Variants in ISX observed in about 807,000 individuals in gnomAD.
ISX encodes intestine-specific homeobox.
In ISX, 15 loss-of-function variants were observed where a neutral mutation model predicts 16.9. The observed-to-expected ratio is 0.89, with a 90% CI of 0.59 to 1.36. ISX has a LOEUF of 1.36. Among genes scored for constraint, ISX ranks in the 40% most tolerant of loss-of-function variants. The probability of loss-of-function intolerance (pLI) is 0.00; values close to 1 mark genes in which losing one functional copy is unlikely to be tolerated. For synonymous variants in ISX, 125 were observed against 119.7 expected, an observed-to-expected ratio of 1.04 and a Z score of -0.29; for missense variants, 316 against 306.1, an observed-to-expected ratio of 1.03 and a Z score of -0.24.
At chr22:35,083,571 T>C (rs895310579) in intron 3 of ISX, among the ~76,000 whole-genome samples, 3 of 152,272 alleles carry the variant, frequency 2.0e-5, no homozygotes, top group East Asian at 3.8e-4. Flanking sequence ...CAGATCTCAC[T>C]GTGGCACCGT....
intron 2 of ISX, among the ~76,000 whole-genome samples, chr22:35,076,723 G>T (rs1215676002): frequency 6.6e-6 from 1 of 152,186 alleles, no homozygotes; most frequent in African/African-American, 2.4e-5. Flanking sequence ...TGAGCGAGGA[G>T]AAACATCAGT....
chr22:35,084,435 A>G lies in ISX; in HGVS notation c.434A>G (p.Asn145Ser), dbSNP rs574347766. Reference sequence around the variant, plus strand: ...TGGCGGAAGCAGGAGAAGATTGGCAACCTGGGGGCTCCACAGCAGCTGAGT... The same window carrying G: ...TGGCGGAAGCAGGAGAAGATTGGCAGCCTGGGGGCTCCACAGCAGCTGAGT... ...AKWRKQEKIG[N>S]LGAPQQLSEA... Residue 145 changes from asparagine to serine, a missense_variant, in exon 4 of 5, where the codon AAC (asparagine) becomes AGC (serine). Transcript: ENST00000404699. The G allele has an allele frequency of 1.1e-5, 18 of 1,613,868 alleles. No homozygotes were observed. The African/African-American group carries it at 1.7e-4, about 16-fold the overall frequency.
At chr22:35,078,243 A>C (rs1321324876) in intron 2 of ISX, among the ~76,000 whole-genome samples, 1 of 151,664 alleles carries the variant, frequency 6.6e-6, no homozygotes, top group African/African-American at 2.4e-5. Flanking sequence ...GACTGACTGA[A>C]TGAATGAAGG....
intron 2 of ISX, among the ~76,000 whole-genome samples, chr22:35,076,113 T>C (rs1672295622): frequency 6.8e-6 from 1 of 148,032 alleles, no homozygotes; most frequent in African/African-American, 2.5e-5. Context: ...AAAAAAAAAA[T>C]ACCTATTGTG....
chr22:35,083,812 C>T (rs1449469200), intron 3 of ISX, among the ~76,000 whole-genome samples: 1 of 152,224 alleles, frequency 6.6e-6, no homozygotes, highest in Non-Finnish European at 1.5e-5. Flanking sequence ...CAGAATTCAA[C>T]ACCTGCCTAT....
chr22:35,071,206 T>C (rs763001), intron 2 of ISX, among the ~76,000 whole-genome samples: 78,213 of 151,992 alleles, frequency 0.51, 20,416 homozygotes, highest in East Asian at 0.79. Context: ...AATGCTTTGG[T>C]GTCTTTGCCA....
intron 3 of ISX, 56 bp from the exon 4 acceptor site, chr22:35,084,327 T>A: frequency 9.2e-7 from 1 of 1,090,896 alleles, no homozygotes; most frequent in Non-Finnish European, 1.4e-6. Flanking sequence ...TTGGGGGAAG[T>A]GGTATTAGAT....
intron 2 of ISX, among the ~76,000 whole-genome samples, chr22:35,070,509 T>G (rs1445960445): frequency 6.6e-6 from 1 of 152,182 alleles, no homozygotes; most frequent in Admixed American, 6.5e-5. Context: ...TGATAGAAAA[T>G]TGACAAGGAA....
At chr22:35,069,912 A>C (rs1213278422) in intron 2 of ISX, among the ~76,000 whole-genome samples, 1 of 152,174 alleles carries the variant, frequency 6.6e-6, no homozygotes, top group African/African-American at 2.4e-5. Context: ...GGATCTTATT[A>C]AAATGCAGCC....
intron 2 of ISX, among the ~76,000 whole-genome samples, chr22:35,079,696 T>A (rs11702976): frequency 0.083 from 12,613 of 152,152 alleles, 564 homozygotes; most frequent in Middle Eastern, 0.15. Flanking sequence ...GTGGAAAAAA[T>A]CAGGAGAGGC....
chr22:35,070,598 C>T (rs1928824933), intron 2 of ISX, among the ~76,000 whole-genome samples: 2 of 152,228 alleles, frequency 1.3e-5, no homozygotes, highest in Admixed American at 6.5e-5. Flanking sequence ...TGCCTGCTCA[C>T]CATCTATTCA....
intron 2 of ISX, among the ~76,000 whole-genome samples, chr22:35,071,532 G>A (rs1928853054): frequency 6.6e-6 from 1 of 152,160 alleles, no homozygotes; most frequent in Admixed American, 6.5e-5. Flanking sequence ...GCCTTGCCGT[G>A]TGTGTTTGTG....
At chr22:35,073,356 T>G (rs1319120557) in intron 2 of ISX, among the ~76,000 whole-genome samples, 2 of 151,936 alleles carry the variant, frequency 1.3e-5, no homozygotes, top group Non-Finnish European at 1.5e-5. Context: ...CCATGGACGG[T>G]GGGTGGGGAA....
intron 2 of ISX, among the ~76,000 whole-genome samples, chr22:35,079,268 G>C (rs1481024206): frequency 2.6e-5 from 4 of 152,122 alleles, no homozygotes; most frequent in Admixed American, 2.0e-4. Context: ...ACCTCAGCTG[G>C]AGCTCAGACT....
At chr22:35,073,476 TAGG>T (rs1432398791) in intron 2 of ISX, among the ~76,000 whole-genome samples, 1 of 152,188 alleles carries the variant, frequency 6.6e-6, no homozygotes, top group Non-Finnish European at 1.5e-5. Context: ...TGGTTTTTCC[TAGG>T]AGAATCTAAT....
At position 35,073,042 on chromosome 22, in the gene ISX, T is replaced by A. The variant is rs1928894792; in HGVS notation, c.229+5726T>A. On this transcript the variant is annotated intron_variant, in intron 2 of 4. Transcript: ENST00000404699. The stretch of plus-strand genomic sequence containing the variant: ...TATATAGGGCCCTCCACATGCTGCT[T>A]GAGTGTCCTCACAAAATGACAGATA... 1.3e-5 allele frequency among the ~76,000 whole-genome samples: 2 copies of A among 152,194 alleles called. 1 individual carries two copies. Among genetic ancestry groups the A allele is most frequent in the Admixed American group, 1.3e-4 (2 of 15,280 alleles).
chr22:35,077,643 C>T (rs1399034922), intron 2 of ISX, among the ~76,000 whole-genome samples: 1 of 151,586 alleles, frequency 6.6e-6, no homozygotes, highest in African/African-American at 2.4e-5. Context: ...TCATCATCAC[C>T]TCTCAAGGAC....
At position 35,066,840 on chromosome 22, in the gene ISX, A is replaced by G. The variant is rs1395948507; in HGVS notation, c.-248A>G. On this transcript the variant is annotated 5_prime_UTR_variant, in exon 2 of 5. Transcript: ENST00000404699. ...ATTGAACCCCAATTCAGCCATGGTG[A>G]CTCCTTTGATGTCAAACTGGTAAGG... 6.5e-6 allele frequency: 3 copies of G among 463,558 alleles called. No homozygotes were observed. Among genetic ancestry groups the G allele is most frequent in the Non-Finnish European group, 1.1e-5 (3 of 262,110 alleles). The allele number at this position is 463,558 out of a possible 1,614,324, so 28.7% of individuals were successfully genotyped here.
chr22:35,072,510 A>T (rs553605689), intron 2 of ISX, among the ~76,000 whole-genome samples: 1 of 152,200 alleles, frequency 6.6e-6, no homozygotes, highest in Non-Finnish European at 1.5e-5. Flanking sequence ...TGATCCCTAA[A>T]GACAAACCCT....
Sources: allele counts gnomAD v4.1 joint callset (sites outside exome capture counted in the v4.1 genomes callset), GRCh38; gene constraint gnomAD v4.1.1; transcripts MANE v1.5; gene names NCBI Gene and HGNC (gene_info 2026-07-23, HGNC 2026-07-21).